OTOGL: variants seen among roughly 807,000 people sequenced by gnomAD.
OTOGL encodes otogelin like, also known as otogelin-like protein.
In OTOGL, 285 loss-of-function variants were observed where a neutral mutation model predicts 318.5. The observed-to-expected ratio is 0.89, with a 90% CI of 0.81 to 0.99. OTOGL has a LOEUF of 0.99. OTOGL is among the 50% of genes least tolerant of loss of function. The probability of loss-of-function intolerance (pLI) is 0.00; values close to 1 mark genes in which losing one functional copy is unlikely to be tolerated. For missense variants in OTOGL, 2,899 were observed against 2,845.6 expected, an observed-to-expected ratio of 1.02 and a Z score of -0.43; for synonymous variants, 987 against 936.5, an observed-to-expected ratio of 1.05 and a Z score of -0.99.
intron 19 of OTOGL, among the ~76,000 whole-genome samples, 167 bp downstream of exon 19, chr12:80,262,260 A>G (rs1346363573): frequency 6.6e-6 from 1 of 151,790 alleles, no homozygotes; most frequent in Non-Finnish European, 1.5e-5. Context: ...ATGCCTTTAC[A>G]TATGTCTTTT....
intron 29 of OTOGL, 58 bp downstream of exon 29, chr12:80,305,753 C>T (rs1338468712): frequency 1.6e-6 from 2 of 1,290,158 alleles, no homozygotes; most frequent in Admixed American, 3.2e-5. Context: ...TATTTTTTCA[C>T]TAGAACATTT....
rs1366773330 is a variant in OTOGL at position 80,146,740 on chromosome 12, G to A, written c.-20+47135G>A. Among the ~76,000 whole-genome samples the A allele has an allele frequency of 4.0e-5, 6 of 151,822 alleles. No individual in the cohort carries two copies. The East Asian group carries it at 1.2e-3, about 29-fold the overall frequency. The stretch of plus-strand genomic sequence containing the variant: ...GATTATTGCCACAATTTCAGCTCCT[G>A]TTATTGGTCTATTCAGAGATTCAAC... On this transcript the variant is annotated intron_variant, in intron 1 of 58. Transcript: ENST00000547103.
intron 44 of OTOGL, chr12:80,343,509 G>GT (rs58046272): frequency 2.8e-5 from 1 of 35,864 alleles, no homozygotes; most frequent in Non-Finnish European, 5.0e-5. Context: ...TTTTATTCTT[G>GT]TTTTTTTTTT....
chr12:80,267,162 C>A, intron 21 of OTOGL, 91 bp from the exon 22 acceptor site: 1 of 657,422 alleles, frequency 1.5e-6, no homozygotes, highest in Non-Finnish European at 2.4e-6. Flanking sequence ...GTGTACCTTA[C>A]AATGACCAAT....
intron 1 of OTOGL, among the ~76,000 whole-genome samples, chr12:80,138,056 C>T (rs1871690159): frequency 6.6e-6 from 1 of 152,154 alleles, no homozygotes; most frequent in Non-Finnish European, 1.5e-5. Flanking sequence ...GTTAGACTTT[C>T]CTTCTCAGAG....
intron 44 of OTOGL, among the ~76,000 whole-genome samples, chr12:80,348,674 T>C (rs1426441020): frequency 2.0e-5 from 3 of 152,192 alleles, no homozygotes; most frequent in African/African-American, 7.2e-5. Context: ...TTACCAGGGC[T>C]GTCAATGTCC....
chr12:80,199,742 T>C (rs2141632), intron 1 of OTOGL, among the ~76,000 whole-genome samples: 59,786 of 152,016 alleles, frequency 0.39, 14,136 homozygotes, highest in Admixed American at 0.55. Flanking sequence ...TGAAAAGAGA[T>C]CTTTGTGAGA....
chr12:80,287,294 G>T (rs1592659401), intron 26 of OTOGL, among the ~76,000 whole-genome samples: 1 of 151,684 alleles, frequency 6.6e-6, no homozygotes, highest in Non-Finnish European at 1.5e-5. Flanking sequence ...TTTTGCATTT[G>T]CTGAGGAGTG....
intron 44 of OTOGL, among the ~76,000 whole-genome samples, chr12:80,349,193 T>G (rs1482567520): frequency 6.6e-6 from 1 of 152,124 alleles, no homozygotes; most frequent in Middle Eastern, 3.4e-3. Flanking sequence ...TCAGAGGAGA[T>G]AAGTTGAGGC....
At chr12:80,373,357 G>A (rs922443241) in intron 57 of OTOGL, among the ~76,000 whole-genome samples, 12 of 152,026 alleles carry the variant, frequency 7.9e-5, no homozygotes, top group African/African-American at 2.2e-4. Flanking sequence ...ACTTGAACCC[G>A]AGAGGCGGAG....
At chr12:80,226,214 A>ACACACACACACC (rs1878834283) in intron 7 of OTOGL, among the ~76,000 whole-genome samples, 1 of 150,134 alleles carries the variant, frequency 6.7e-6, no homozygotes, top group African/African-American at 2.5e-5. Context: ...ACACACACAC[A>ACACACACACACC]CACACACACT....
At chr12:80,155,855 G>A (rs74494492) in intron 1 of OTOGL, among the ~76,000 whole-genome samples, 5,385 of 152,246 alleles carry the variant, frequency 0.035, 114 homozygotes, top group South Asian at 0.087. Flanking sequence ...CCACAGATAA[G>A]TGAGAACGTG....
chr12:80,374,627 G>T (rs1412938767), intron 57 of OTOGL, among the ~76,000 whole-genome samples: 2 of 151,966 alleles, frequency 1.3e-5, no homozygotes, highest in East Asian at 3.9e-4. Flanking sequence ...TAGAATATGA[G>T]GAAATTTAAG....
chr12:80,236,057 G>A (rs1879819470), intron 9 of OTOGL, among the ~76,000 whole-genome samples: 1 of 152,174 alleles, frequency 6.6e-6, no homozygotes, highest in African/African-American at 2.4e-5. Context: ...GCCAGTGAAT[G>A]CATAGTTTCT....
intron 1 of OTOGL, among the ~76,000 whole-genome samples, chr12:80,149,106 T>C (rs1019670663): frequency 2.0e-5 from 3 of 152,250 alleles, no homozygotes; most frequent in Non-Finnish European, 4.4e-5. Context: ...AGGAACTGCG[T>C]TCCTTTGGAG....
chr12:80,338,858 A>G (rs952832369), intron 42 of OTOGL, among the ~76,000 whole-genome samples: 1 of 152,094 alleles, frequency 6.6e-6, no homozygotes, highest in East Asian at 1.9e-4. Flanking sequence ...AATGAAAGGC[A>G]ATGACGTTAG....
rs10778725 is a variant in OTOGL, at chr12:80,318,640, G to A, written c.3729G>A (p.Pro1243=). 0.97 allele frequency: 1,431,143 copies of A among 1,468,996 alleles called. 697,666 individuals are homozygous for A. The highest frequency in any genetic ancestry group is 0.98 in the Middle Eastern group (5,568 of 5,658). The allele number at this position is 1,468,996 out of a possible 1,614,324, so 91.0% of individuals were successfully genotyped here. The change falls in exon 33 of 59, where the codon CCG becomes CCA. Residue 1243 remains proline (P), a synonymous_variant. Transcript: ENST00000547103. ...CCAGCAGAAGCGTTTTCTGTTTGCC[G>A]AGAAGCAGTGTTCATACCAGTTTAT... is the stretch of plus-strand genomic sequence containing the variant. The part of the protein sequence containing the change: ...NMTSRSVFCL[P]RSSVHTSLFF...
chr12:80,209,563 T>G, intron 2 of OTOGL, 53 bp downstream of exon 2: 2 of 1,200,378 alleles, frequency 1.7e-6, no homozygotes, highest in Non-Finnish European at 2.3e-6. Context: ...TTGTTTCTCT[T>G]ACAATTTATA....
intron 26 of OTOGL, among the ~76,000 whole-genome samples, chr12:80,288,839 A>G (rs997307525): frequency 3.3e-5 from 5 of 152,086 alleles, no homozygotes; most frequent in African/African-American, 1.2e-4. Context: ...TGATTGGGTT[A>G]GAACATACTC....
Sources: gnomAD v4.1 joint callset for allele counts (sites outside exome capture counted in the v4.1 genomes callset) on GRCh38, gnomAD v4.1.1 for gene constraint, MANE v1.5 for transcripts, NCBI Gene and HGNC (gene_info 2026-07-23, HGNC 2026-07-21) for gene names.